The following CREG2 variants were observed in gnomAD, a reference collection of about 807,000 sequenced individuals.
CREG2 encodes cellular repressor of E1A stimulated genes 2, also known as protein CREG2.
Under a neutral mutation model 26.2 loss-of-function variants are expected in CREG2, and 24 were observed. That is an observed-to-expected ratio of 0.92 (90% CI 0.66 to 1.29). The LOEUF (loss-of-function observed/expected upper bound fraction) is 1.29. Among genes scored for constraint, CREG2 ranks in the 50% most tolerant of loss-of-function variants. The pLI is 0.00. For missense variants in CREG2, 366 were observed against 398.6 expected, an observed-to-expected ratio of 0.92 and a Z score of 0.70; for synonymous variants, 174 against 169.2, an observed-to-expected ratio of 1.03 and a Z score of -0.22.
chr2:101,376,817 A>T (rs1392187757), intron 2 of CREG2, among the ~76,000 whole-genome samples: 1 of 152,222 alleles, frequency 6.6e-6, no homozygotes, highest in Non-Finnish European at 1.5e-5. Flanking sequence ...ACAGAGGGAA[A>T]TACTGTTAAT....
In CREG2 at chr2:101,387,197, G is replaced by C. The variant is rs1684987351; in HGVS notation, c.261C>G (p.Pro87=). ...SAHKEDAHLR[P]RAGAARARPP... ...GCCTGGCCCGGGCGGCGCCCGCCCG[G>C]GGCCGCAGGTGCGCGTCCTCCTTGT... Residue 87 remains proline, a synonymous_variant, in exon 1 of 4, where the codon CCC becomes CCG. Coordinates refer to ENST00000324768, the MANE Select transcript of CREG2 (RefSeq NM_153836.4). The surrounding 1 kb of genome is among the most constrained non-coding windows in gnomAD (Gnocchi z 4.7). 1 of 1,366,294 alleles carries C rather than the reference G, an allele frequency of 7.3e-7. No homozygotes were observed. The highest frequency in any genetic ancestry group is 1.7e-5 in the South Asian group (1 of 57,262). 84.6% of individuals were successfully genotyped at this position (1,366,294 alleles called of 1,614,324 possible).
At chr2:101,361,772 G>T (rs1464818165) in intron 2 of CREG2, among the ~76,000 whole-genome samples, 1 of 152,116 alleles carries the variant, frequency 6.6e-6, no homozygotes, top group Non-Finnish European at 1.5e-5. Context: ...TTAGTCACAG[G>T]AGTGCAACAC....
intron 2 of CREG2, among the ~76,000 whole-genome samples, chr2:101,375,359 GTCAA>G (rs1684773876): frequency 6.6e-6 from 1 of 152,164 alleles, no homozygotes; most frequent in South Asian, 2.1e-4. Context: ...ACCGAGGCCT[GTCAA>G]TCAAAGGGCT....
intron 2 of CREG2, among the ~76,000 whole-genome samples, chr2:101,358,056 C>T (rs1364397159): frequency 2.0e-5 from 3 of 151,730 alleles, no homozygotes; most frequent in South Asian, 2.1e-4. Context: ...TGCAGTGGCG[C>T]GATCTCAGCT....
intron 2 of CREG2, among the ~76,000 whole-genome samples, chr2:101,374,488 A>G (rs1341948430): frequency 6.6e-6 from 1 of 152,256 alleles, no homozygotes. Flanking sequence ...ATTTAAACTT[A>G]TATGTTCCTT....
chr2:101,345,826 A>G lies in CREG2; in HGVS notation c.*5097T>C, dbSNP rs1196956416. 6.7e-6 allele frequency: 1 copy of G among 149,768 alleles called. No homozygotes were observed. Among genetic ancestry groups the G allele is most frequent in the Non-Finnish European group, 1.5e-5 (1 of 67,878 alleles). The allele number at this position is 149,768 out of a possible 1,614,324, so 9.3% of individuals were successfully genotyped here. A position where few individuals can be genotyped will look rare whatever the true frequency, so the allele number is the denominator to read the frequency against. ...AATACAGACTTTTTGGAAAAATTGT[A>G]GAAATACCTTTTTTTTTTTTTAAGA... On this transcript the variant is annotated 3_prime_UTR_variant, in exon 4 of 4. Coordinates refer to ENST00000324768, the MANE Select transcript of CREG2 (RefSeq NM_153836.4).
chr2:101,350,390 C>T lies in CREG2; in HGVS notation c.*533G>A, dbSNP rs1684360359. On this transcript the variant is annotated 3_prime_UTR_variant, in exon 4 of 4. Transcript: ENST00000324768. ...TAGCCAGTATGACCTAATAATGCATCTGCAATCCACCAGCAGGAGGAGTAA... is the reference window on the plus strand; with the variant it reads ...TAGCCAGTATGACCTAATAATGCATTTGCAATCCACCAGCAGGAGGAGTAA... 6.5e-6 allele frequency: 1 copy of T among 152,976 alleles called. No homozygotes were observed. Among genetic ancestry groups the T allele is most frequent in the Admixed American group, 6.5e-5 (1 of 15,332 alleles). 9.5% of individuals were successfully genotyped at this position (152,976 alleles called of 1,614,324 possible). A position where few individuals can be genotyped will look rare whatever the true frequency, so the allele number is the denominator to read the frequency against.
At chr2:101,351,891 A>T (rs897494609) in intron 3 of CREG2, among the ~76,000 whole-genome samples, 19 of 151,454 alleles carry the variant, frequency 1.3e-4, no homozygotes, top group South Asian at 2.1e-4. Flanking sequence ...TTTATTAAAA[A>T]ATTTTTTTTT....
chr2:101,360,441 G>A (rs1684522046), intron 2 of CREG2, among the ~76,000 whole-genome samples: 1 of 152,108 alleles, frequency 6.6e-6, no homozygotes, highest in African/African-American at 2.4e-5. Context: ...TCCATTAAAA[G>A]AAGAAAGAAA....
intron 2 of CREG2, among the ~76,000 whole-genome samples, chr2:101,362,675 C>T (rs1015213813): frequency 1.3e-5 from 2 of 152,162 alleles, no homozygotes; most frequent in African/African-American, 2.4e-5. Flanking sequence ...TGTGGGTGAC[C>T]CTGGGAGCTG....
chr2:101,384,070 C>T (rs966066829), intron 1 of CREG2, among the ~76,000 whole-genome samples: 1 of 152,134 alleles, frequency 6.6e-6, no homozygotes, highest in Non-Finnish European at 1.5e-5. Flanking sequence ...TTTCCACAAG[C>T]TGCCTGTTAC....
At position 101,363,883 on chromosome 2, in the gene CREG2, C is replaced by CAG. The variant is rs1491197242; in HGVS notation, c.612-8519_612-8518dup. On this transcript the variant is annotated intron_variant, in intron 2 of 3. Coordinates refer to ENST00000324768, the MANE Select transcript of CREG2 (RefSeq NM_153836.4). ...ACACACACACACACACACACACACACAGACACACACACAGGAAGAAAGGAA... is the reference window on the plus strand; with the variant it reads ...ACACACACACACACACACACACACACAGAGACACACACACAGGAAGAAAGGAA... Among the ~76,000 whole-genome samples, 494 of 147,998 alleles carry CAG rather than the reference C, an allele frequency of 3.3e-3. 4 individuals carry two copies. The highest frequency in any genetic ancestry group is 0.011 in the African/African-American group (434 of 40,810).
intron 1 of CREG2, 115 bp downstream of exon 1, chr2:101,386,902 G>T: frequency 9.4e-7 from 1 of 1,068,908 alleles, no homozygotes; most frequent in Non-Finnish European, 1.2e-6. Flanking sequence ...AGGGCACCGG[G>T]CACGTCTGGT....
intron 1 of CREG2, 46 bp from the exon 2 acceptor site, chr2:101,383,748 G>A (rs11694978): frequency 0.29 from 436,002 of 1,518,266 alleles, 65,528 homozygotes; most frequent in South Asian, 0.35. Flanking sequence ...GCTGTGGCTC[G>A]ACTTGATCTG....
intron 2 of CREG2, among the ~76,000 whole-genome samples, chr2:101,358,559 AAATT>A (rs1367084383): frequency 6.6e-6 from 1 of 152,240 alleles, no homozygotes; most frequent in Non-Finnish European, 1.5e-5. Flanking sequence ...AAATACAAAT[AAATT>A]AAGTTTTATC....
intron 2 of CREG2, among the ~76,000 whole-genome samples, chr2:101,381,161 C>A (rs1464803336): frequency 1.3e-5 from 2 of 152,170 alleles, no homozygotes; most frequent in Non-Finnish European, 2.9e-5. Context: ...TTGCTGGAGA[C>A]CTCTTCAGGC....
intron 2 of CREG2, among the ~76,000 whole-genome samples, chr2:101,374,268 A>G (rs1684755693): frequency 6.6e-6 from 1 of 152,168 alleles, no homozygotes; most frequent in Non-Finnish European, 1.5e-5. Context: ...GTCCCGTCCA[A>G]CGGGAGGCTG....
chr2:101,367,950 G>A (rs1558817550), intron 2 of CREG2, among the ~76,000 whole-genome samples: 1 of 152,210 alleles, frequency 6.6e-6, no homozygotes, highest in African/African-American at 2.4e-5. Context: ...CTTGGTTTTA[G>A]CTTTGTGAGA....
At chr2:101,384,682 C>T (rs1684936895) in intron 1 of CREG2, among the ~76,000 whole-genome samples, 1 of 152,086 alleles carries the variant, frequency 6.6e-6, no homozygotes, top group Non-Finnish European at 1.5e-5. Flanking sequence ...ATAGCGAGAC[C>T]CCCATCCCTA....
Sources: allele counts gnomAD v4.1 joint callset (sites outside exome capture counted in the v4.1 genomes callset), GRCh38; gene constraint gnomAD v4.1.1; non-coding constraint Gnocchi (gnomAD v3.1); transcripts MANE v1.5; gene names NCBI Gene and HGNC (gene_info 2026-07-23, HGNC 2026-07-21).